Variants in OR11G2 observed in about 807,000 individuals in gnomAD.
OR11G2 encodes olfactory receptor family 11 subfamily G member 2.
A neutral mutation model predicts 0.9 loss-of-function variants in OR11G2; 2 were observed. The ratio of observed to expected loss-of-function variants is 2.35; its 90% CI spans 0.96 to 7.38. The LOEUF is 7.38. OR11G2 is among the 30% of genes most tolerant of loss of function. The probability of loss-of-function intolerance (pLI) is 0.05; values close to 1 mark genes in which losing one functional copy is unlikely to be tolerated. For synonymous variants in OR11G2, 153 were observed against 142.0 expected (o/e 1.08, Z -0.55); for missense variants, 395 against 371.3 (o/e 1.06, Z -0.52).
intron 1 of OR11G2, among the ~76,000 whole-genome samples, chr14:20,192,432 T>C (rs1420375025): frequency 6.6e-6 from 1 of 152,236 alleles, no homozygotes; most frequent in East Asian, 1.9e-4. Flanking sequence ...AATTTCCCTC[T>C]AGCTCTGTCC....
chr14:20,195,507 T>C (rs911342250), intron 1 of OR11G2, among the ~76,000 whole-genome samples: 1 of 152,228 alleles, frequency 6.6e-6, no homozygotes, highest in Non-Finnish European at 1.5e-5. Context: ...GCCACTGCAC[T>C]CCAGCCTGGG....
At chr14:20,194,367 G>A (rs1382477428) in intron 1 of OR11G2, among the ~76,000 whole-genome samples, 1 of 152,140 alleles carries the variant, frequency 6.6e-6, no homozygotes, top group African/African-American at 2.4e-5. Context: ...AGTGGAGATG[G>A]GGAGAAGTGA....
chr14:20,196,041 A>G lies in OR11G2; in HGVS notation c.-4-1393A>G, dbSNP rs561045954. Among the ~76,000 whole-genome samples the G allele has an allele frequency of 3.3e-5, 5 of 152,338 alleles. No homozygotes were observed. In the South Asian group the frequency reaches 1.0e-3, roughly 32 times the overall value. Reference sequence around the variant, plus strand: ...CTGTGGGAAAATAAATATTATGGACAAACTAATGGAAGATACAGACTAAAG... The same window carrying G: ...CTGTGGGAAAATAAATATTATGGACGAACTAATGGAAGATACAGACTAAAG... On this transcript the variant is annotated intron_variant, in intron 1 of 1. Transcript: ENST00000641879.
Position 20,197,956 on chromosome 14 carries a change from TG to T in OR11G2, c.521del (p.Gly174AspfsTer16), listed in dbSNP as rs1479510728. The T allele has an allele frequency of 1.2e-5, 20 of 1,614,054 alleles. No individual in the cohort carries two copies. The highest frequency in any genetic ancestry group is 1.7e-5 in the Non-Finnish European group (20 of 1,180,028). ...TCAACATCTCCCAAATGTCCTTCTGTGGATCTAGGATTATTGACCACTTCCT... is the reference window on the plus strand; with the variant it reads ...TCAACATCTCCCAAATGTCCTTCTGTGATCTAGGATTATTGACCACTTCCT... ...IVNISQMSFC[G>X]SRIIDHFLCD... On this transcript the variant is annotated frameshift_variant, in exon 2 of 2. Transcript: ENST00000641879. LOFTEE classifies it low-confidence loss of function (END_TRUNC).
rs770325674 is a variant in OR11G2, at chr14:20,197,501, C to T, written c.64C>T (p.Pro22Ser). The T allele has an allele frequency of 6.2e-7, 1 of 1,614,080 alleles. No individual in the cohort carries two copies. Among genetic ancestry groups the T allele is most frequent in the Non-Finnish European group, 8.5e-7 (1 of 1,179,996 alleles). The change falls in exon 2 of 2, where the codon CCT (proline) becomes TCT (serine). Residue 22 changes from proline to serine, a missense_variant. Coordinates refer to ENST00000641879, the MANE Select transcript of OR11G2 (RefSeq NM_001386033.1). ...CACTGGCTTCATCCTCCTGGGCTTCCCTTGCCCCAGGGAGGGGCAGATCCT... is the reference window on the plus strand; with the variant it reads ...CACTGGCTTCATCCTCCTGGGCTTCTCTTGCCCCAGGGAGGGGCAGATCCT... Reference protein sequence around the residue: ...TFTGFILLGFPCPREGQILLF... With the variant: ...TFTGFILLGFSCPREGQILLF...
At chr14:20,191,994 T>C (rs961100524) in intron 1 of OR11G2, among the ~76,000 whole-genome samples, 2 of 151,530 alleles carry the variant, frequency 1.3e-5, no homozygotes, top group African/African-American at 4.8e-5. Flanking sequence ...CCGGGTTCAG[T>C]TGATTCTCCT....
chr14:20,198,029 G>A lies in OR11G2; in HGVS notation c.592G>A (p.Val198Met), dbSNP rs138490130. Residue 198 changes from valine (V) to methionine (M), a missense_variant, in exon 2 of 2, where the codon GTG becomes ATG. Val to Met is a conservative substitution (Grantham distance 21). Transcript: ENST00000641879. ...AACTCTCACTTGCAAAAAAGGCCCT[G>A]TGATAGAGCTTGTCTTTTCTGTCTT... ...LLTLTCKKGPVIELVFSVLSP... is the reference protein window; with the variant it reads ...LLTLTCKKGPMIELVFSVLSP... 6.2e-7 allele frequency: 1 copy of A among 1,613,860 alleles called. No individual in the cohort carries two copies. The highest frequency in any genetic ancestry group is 1.3e-5 in the African/African-American group (1 of 74,922).
rs1879857849 is a variant in OR11G2 at position 20,199,523 on chromosome 14, T to C, written c.*1150T>C. 1.3e-5 allele frequency: 2 copies of C among 152,372 alleles called. No individual in the cohort carries two copies. Among genetic ancestry groups the C allele is most frequent in the Admixed American group, 6.5e-5 (1 of 15,310 alleles). 9.4% of individuals were successfully genotyped at this position (152,372 alleles called of 1,614,324 possible). Reference sequence around the variant, plus strand: ...TCACCTCCCTTTTCTTCCCTTCATCTTGGACTGTAGCCCATGAAGGCTTGC... The same window carrying C: ...TCACCTCCCTTTTCTTCCCTTCATCCTGGACTGTAGCCCATGAAGGCTTGC... On this transcript the variant is annotated 3_prime_UTR_variant, in exon 2 of 2. Coordinates refer to ENST00000641879, the MANE Select transcript of OR11G2 (RefSeq NM_001386033.1).
In OR11G2 at chr14:20,198,429, A is replaced by T. The variant is rs1594225057; in HGVS notation, c.*56A>T. On this transcript the variant is annotated 3_prime_UTR_variant, in exon 2 of 2. Coordinates refer to ENST00000641879, the MANE Select transcript of OR11G2 (RefSeq NM_001386033.1). ...AATCTTGTCTTTAATTTTGGGGTTT[A>T]AAAAAAAAACTGGTCTTGGCCAGGC... 1.2e-6 allele frequency: 1 copy of T among 815,846 alleles called. No individual in the cohort carries two copies. The highest frequency in any genetic ancestry group is 3.7e-5 in the Admixed American group (1 of 26,756). 50.5% of individuals were successfully genotyped at this position (815,846 alleles called of 1,614,324 possible). A position where few individuals can be genotyped will look rare whatever the true frequency, so the allele number is the denominator to read the frequency against.
chr14:20,198,417 A>T lies in OR11G2; in HGVS notation c.*44A>T, dbSNP rs1426331708. On this transcript the variant is annotated 3_prime_UTR_variant, in exon 2 of 2. Transcript: ENST00000641879. Reference sequence around the variant, plus strand: ...CCTTGCGTAATTAATCTTGTCTTTAATTTTGGGGTTTAAAAAAAAAACTGG... The same window carrying T: ...CCTTGCGTAATTAATCTTGTCTTTATTTTTGGGGTTTAAAAAAAAAACTGG... 1 of 1,406,938 alleles carries T rather than the reference A, an allele frequency of 7.1e-7. No homozygotes were observed. The highest frequency in any genetic ancestry group is 2.3e-5 in the East Asian group (1 of 43,556). 87.2% of individuals were successfully genotyped at this position (1,406,938 alleles called of 1,614,324 possible).
intron 1 of OR11G2, among the ~76,000 whole-genome samples, chr14:20,192,502 C>T (rs1879673233): frequency 6.6e-6 from 1 of 152,198 alleles, no homozygotes; most frequent in African/African-American, 2.4e-5. Flanking sequence ...AAGAAACTCT[C>T]TGGGATGGGA....
At position 20,200,020 on chromosome 14, in the gene OR11G2, A is replaced by G. The variant is rs76044448; in HGVS notation, c.*1647A>G. On this transcript the variant is annotated 3_prime_UTR_variant, in exon 2 of 2. Coordinates refer to ENST00000641879, the MANE Select transcript of OR11G2 (RefSeq NM_001386033.1). ...TAGAAGCTTGGGCTAGTTCTCCTTG[A>G]ACTTTCCCCTAGGCCTGGAGTGAAA... 6.6e-6 allele frequency: 1 copy of G among 152,204 alleles called. No individual in the cohort carries two copies. The highest frequency in any genetic ancestry group is 2.4e-5 in the African/African-American group (1 of 41,526). The allele number at this position is 152,204 out of a possible 1,614,324, so 9.4% of individuals were successfully genotyped here.
In OR11G2 at chr14:20,198,795, A is replaced by G; in HGVS notation, c.*422A>G. ...GTTCATCTTACTATTGGCCAAAGCT[A>G]AAATACCTGTGAGCATGTTTCTGTT... On this transcript the variant is annotated 3_prime_UTR_variant, in exon 2 of 2. Transcript: ENST00000641879. 6.6e-6 allele frequency: 1 copy of G among 152,400 alleles called. No homozygotes were observed. The highest frequency in any genetic ancestry group is 1.5e-5 in the Non-Finnish European group (1 of 68,484). The allele number at this position is 152,400 out of a possible 1,614,324, so 9.4% of individuals were successfully genotyped here.
In OR11G2 at chr14:20,198,601, C is replaced by T. The variant is rs969777574; in HGVS notation, c.*228C>T. 1.1e-5 allele frequency: 3 copies of T among 277,476 alleles called. No homozygotes were observed. The highest frequency in any genetic ancestry group is 2.0e-5 in the Non-Finnish European group (3 of 147,448). 17.2% of individuals were successfully genotyped at this position (277,476 alleles called of 1,614,324 possible). The stretch of plus-strand genomic sequence containing the variant: ...AAAATTAGCCGGGCGTGGTGGCGGA[C>T]GCCTGTAGTCCCAGCTACTCGGGAG... On this transcript the variant is annotated 3_prime_UTR_variant, in exon 2 of 2. Coordinates refer to ENST00000641879, the MANE Select transcript of OR11G2 (RefSeq NM_001386033.1).
chr14:20,193,374 G>A (rs993942799), intron 1 of OR11G2, among the ~76,000 whole-genome samples: 2 of 152,130 alleles, frequency 1.3e-5, no homozygotes, highest in African/African-American at 2.4e-5. Flanking sequence ...CTCCTGCCTC[G>A]GCCTCCTAAA....
intron 1 of OR11G2, among the ~76,000 whole-genome samples, chr14:20,194,047 G>A (rs547274267): frequency 1.3e-5 from 2 of 152,184 alleles, no homozygotes; most frequent in Non-Finnish European, 2.9e-5. Context: ...GTGTGTGTTT[G>A]TGTGTATGTG....
chr14:20,197,138 A>G (rs895929397), intron 1 of OR11G2, among the ~76,000 whole-genome samples: 4 of 152,224 alleles, frequency 2.6e-5, no homozygotes, highest in Non-Finnish European at 4.4e-5. Flanking sequence ...CCTGAAAATT[A>G]TAATGGCTTT....
At chr14:20,193,639 G>A (rs1879697814) in intron 1 of OR11G2, among the ~76,000 whole-genome samples, 1 of 152,204 alleles carries the variant, frequency 6.6e-6, no homozygotes, top group African/African-American at 2.4e-5. Flanking sequence ...TGTGACACAT[G>A]AAAATTATAT....
chr14:20,198,495 G>A lies in OR11G2; in HGVS notation c.*122G>A, dbSNP rs185691795. On this transcript the variant is annotated 3_prime_UTR_variant, in exon 2 of 2. Coordinates refer to ENST00000641879, the MANE Select transcript of OR11G2 (RefSeq NM_001386033.1). ...TGTAATCCCAGCACTTTGGGAGCCC[G>A]AGGCGGGTGGATCACGAGGTCAGGA... 0.015 allele frequency: 9,685 copies of A among 661,306 alleles called. 115 individuals are homozygous for A. The highest frequency in any genetic ancestry group is 0.021 in the Middle Eastern group (48 of 2,246). 41.0% of individuals were successfully genotyped at this position (661,306 alleles called of 1,614,324 possible).
Sources: allele counts gnomAD v4.1 joint callset (sites outside exome capture counted in the v4.1 genomes callset), GRCh38; gene constraint gnomAD v4.1.1; transcripts MANE v1.5; gene names NCBI Gene and HGNC (gene_info 2026-07-23, HGNC 2026-07-21).